The following ENTREP2 variants were observed in gnomAD, a reference collection of about 807,000 sequenced individuals.
ENTREP2 encodes the protein protein ENTREP2.
chr15:29,199,720 T>C, the ENTREP2 span, among the ~76,000 whole-genome samples: 2 of 152,254 alleles, frequency 1.3e-5, no homozygotes, highest in African/African-American at 2.4e-5. Context: ...GGATCATTCA[T>C]TGAGTAAACG....
the ENTREP2 span, among the ~76,000 whole-genome samples, chr15:29,507,917 G>A: frequency 6.6e-6 from 1 of 152,036 alleles, no homozygotes; most frequent in Non-Finnish European, 1.5e-5. Flanking sequence ...CAGAACTGAA[G>A]GAGATAGAGA....
the ENTREP2 span, among the ~76,000 whole-genome samples, chr15:29,656,515 C>T: frequency 1.1e-4 from 16 of 152,336 alleles, no homozygotes; most frequent in Non-Finnish European, 1.8e-4. Context: ...GCGTGGGCCA[C>T]TGTGCCTGGC....
the ENTREP2 span, among the ~76,000 whole-genome samples, chr15:29,628,986 G>T: frequency 6.6e-6 from 1 of 152,140 alleles, no homozygotes; most frequent in Non-Finnish European, 1.5e-5. Flanking sequence ...CTGACCTCAA[G>T]TGCTCTACCC....
the ENTREP2 span, among the ~76,000 whole-genome samples, chr15:29,553,238 G>C: frequency 6.6e-6 from 1 of 152,206 alleles, no homozygotes; most frequent in Non-Finnish European, 1.5e-5. Context: ...AGAGGTTGCA[G>C]TGAGCTGAGA....
the ENTREP2 span, among the ~76,000 whole-genome samples, chr15:29,229,906 C>G: frequency 6.6e-6 from 1 of 152,112 alleles, no homozygotes; most frequent in Non-Finnish European, 1.5e-5. Flanking sequence ...ATACAGCCAT[C>G]CAACCATCTG....
chr15:29,419,776 C>A, the ENTREP2 span, among the ~76,000 whole-genome samples: 1 of 152,100 alleles, frequency 6.6e-6, no homozygotes, highest in Non-Finnish European at 1.5e-5. Flanking sequence ...ATGGAAACCA[C>A]CTTTTAAGTC....
At chr15:29,326,702 A>C in the ENTREP2 span, among the ~76,000 whole-genome samples, 5 of 152,288 alleles carry the variant, frequency 3.3e-5, no homozygotes, top group South Asian at 6.2e-4. Context: ...TTGTAGATAA[A>C]AGCTGATTCT....
At chr15:29,186,050 C>T in the ENTREP2 span, among the ~76,000 whole-genome samples, 1 of 152,124 alleles carries the variant, frequency 6.6e-6, no homozygotes, top group African/African-American at 2.4e-5. Flanking sequence ...GTTTGGCCCC[C>T]GAATGGGGCG....
the ENTREP2 span, among the ~76,000 whole-genome samples, chr15:29,214,164 T>C: frequency 1.3e-5 from 2 of 152,182 alleles, no homozygotes; most frequent in African/African-American, 4.8e-5. Context: ...AGAAATACCA[T>C]TTGACCCAGC....
the ENTREP2 span, among the ~76,000 whole-genome samples, chr15:29,357,689 A>G: frequency 1.3e-5 from 2 of 151,896 alleles, no homozygotes; most frequent in African/African-American, 4.8e-5. Context: ...ATACAAAAAA[A>G]TTAGCCGGGC....
the ENTREP2 span, among the ~76,000 whole-genome samples, chr15:29,330,328 A>T: frequency 6.6e-6 from 1 of 151,966 alleles, no homozygotes; most frequent in African/African-American, 2.4e-5. Context: ...ATGAGCGTGT[A>T]GTCCCAGCTA....
the ENTREP2 span, among the ~76,000 whole-genome samples, chr15:29,247,960 C>A: frequency 6.6e-6 from 1 of 152,220 alleles, no homozygotes; most frequent in Non-Finnish European, 1.5e-5. Context: ...GATTTCTGAG[C>A]CAACAGAAGA....
the ENTREP2 span, among the ~76,000 whole-genome samples, chr15:29,424,092 C>T: frequency 9.9e-5 from 15 of 152,154 alleles, no homozygotes; most frequent in Admixed American, 3.3e-4. Context: ...TTCCTTCCCA[C>T]GGGTTTGTGC....
the ENTREP2 span, among the ~76,000 whole-genome samples, chr15:29,658,399 T>C: frequency 6.6e-6 from 1 of 152,316 alleles, no homozygotes; most frequent in South Asian, 2.1e-4. Context: ...TTACCCAGTC[T>C]CGAGTATGTC....
chr15:29,551,018 C>T, the ENTREP2 span, among the ~76,000 whole-genome samples: 1 of 152,154 alleles, frequency 6.6e-6, no homozygotes, highest in Non-Finnish European at 1.5e-5. Context: ...GTTTCCTTGG[C>T]TACAGCAGGC....
chr15:29,529,860 C>T, the ENTREP2 span, among the ~76,000 whole-genome samples: 7 of 152,096 alleles, frequency 4.6e-5, no homozygotes, highest in Non-Finnish European at 8.8e-5. Flanking sequence ...AGGTTTATGG[C>T]CATTCTGAAT....
At chr15:29,634,071 G>A in the ENTREP2 span, among the ~76,000 whole-genome samples, 1 of 152,132 alleles carries the variant, frequency 6.6e-6, no homozygotes. Flanking sequence ...CACCAAGCTG[G>A]CCACACCTGG....
the ENTREP2 span, among the ~76,000 whole-genome samples, chr15:29,622,444 G>A: frequency 6.6e-6 from 1 of 152,146 alleles, no homozygotes; most frequent in African/African-American, 2.4e-5. Context: ...CTGACCTCAA[G>A]TGACCTGCTG....
chr15:29,322,100 A>G, the ENTREP2 span, among the ~76,000 whole-genome samples: 8 of 152,166 alleles, frequency 5.3e-5, no homozygotes. Flanking sequence ...TGAAGGTAAA[A>G]TAAAGTCTTA....
Sources: allele counts gnomAD v4.1 joint callset (sites outside exome capture counted in the v4.1 genomes callset), GRCh38; gene constraint gnomAD v4.1.1; transcripts MANE v1.5; gene names NCBI Gene and HGNC (gene_info 2026-07-23, HGNC 2026-07-21).